Variants in IMMP2L observed in about 807,000 individuals in gnomAD.
The protein encoded by IMMP2L is inner mitochondrial membrane peptidase subunit 2.
A neutral mutation model predicts 19.3 loss-of-function variants in IMMP2L; 18 were observed. The observed-to-expected ratio is 0.93, with a 90% CI of 0.64 to 1.38. The LOEUF (loss-of-function observed/expected upper bound fraction) is 1.38. IMMP2L is among the 40% of genes most tolerant of loss of function. The probability of loss-of-function intolerance (pLI) is 0.00; values close to 1 mark genes in which losing one functional copy is unlikely to be tolerated. For missense variants in IMMP2L, 233 were observed against 218.2 expected (o/e 1.07, Z -0.43); for synonymous variants, 76 against 73.0 (o/e 1.04, Z -0.21).
At position 111,090,749 on chromosome 7, in the gene IMMP2L, C is replaced by T. The variant is rs551262979; in HGVS notation, c.240-127184G>A. Among the ~76,000 whole-genome samples the T allele has an allele frequency of 3.9e-5, 6 of 152,224 alleles. No individual in the cohort carries two copies. In the South Asian group the frequency reaches 8.3e-4, roughly 21 times the overall value. On this transcript the variant is annotated intron_variant, in intron 3 of 5. Coordinates refer to ENST00000405709, the MANE Select transcript of IMMP2L (RefSeq NM_032549.4). ...TGCAGTCATTGCTGAACTTCAGAGA[C>T]GGAGTTGGAGGTTTGAGTCTCTACC...
rs117937692 is a variant in IMMP2L at position 111,330,142 on chromosome 7, C to T, written c.239+157096G>A. On this transcript the variant is annotated intron_variant, in intron 3 of 5. Coordinates refer to ENST00000405709, the MANE Select transcript of IMMP2L (RefSeq NM_032549.4). Reference sequence around the variant, plus strand: ...AATTTTAAAAGGAAAAAATAAAACACCAATTGATTGAACACAGAAAGAAAA... The same window carrying T: ...AATTTTAAAAGGAAAAAATAAAACATCAATTGATTGAACACAGAAAGAAAA... Among the ~76,000 whole-genome samples the T allele has an allele frequency of 9.1e-3, 1,383 of 151,472 alleles. 7 individuals are homozygous for T. Among genetic ancestry groups the T allele is most frequent in the Non-Finnish European group, 0.016 (1,089 of 67,754 alleles).
chr7:110,953,938 C>T (rs537161951), intron 4 of IMMP2L, among the ~76,000 whole-genome samples: 20 of 152,098 alleles, frequency 1.3e-4, no homozygotes, highest in African/African-American at 3.9e-4. Context: ...GCTTTTTTCA[C>T]ATGTTTGTTG....
chr7:111,501,420 C>A (rs935770990), intron 2 of IMMP2L, among the ~76,000 whole-genome samples: 1 of 152,170 alleles, frequency 6.6e-6, no homozygotes, highest in Admixed American at 6.5e-5. Context: ...TCCAGGAGAA[C>A]TTCCCCAGTC....
At chr7:110,975,250 C>A (rs772939721) in intron 3 of IMMP2L, among the ~76,000 whole-genome samples, 2 of 151,930 alleles carry the variant, frequency 1.3e-5, no homozygotes, top group Non-Finnish European at 2.9e-5. Flanking sequence ...GGTAAATGAC[C>A]ATTTGAATCT....
chr7:111,080,381 A>AAT (rs1007213538), intron 3 of IMMP2L, among the ~76,000 whole-genome samples: 19 of 151,800 alleles, frequency 1.3e-4, no homozygotes, highest in Non-Finnish European at 2.2e-4. Context: ...AATTTTATCC[A>AAT]ATATATATAT....
chr7:111,016,463 T>C (rs187077253), intron 3 of IMMP2L, among the ~76,000 whole-genome samples: 4,668 of 133,986 alleles, frequency 0.035, 114 homozygotes, highest in South Asian at 0.079. Flanking sequence ...TAAATATATA[T>C]ATTTATGTAG....
chr7:111,526,021 C>T (rs1045053277), intron 1 of IMMP2L, among the ~76,000 whole-genome samples: 6 of 151,836 alleles, frequency 4.0e-5, no homozygotes, highest in African/African-American at 1.5e-4. Context: ...GGCAAGACCT[C>T]GGCATTTCAG....
intron 5 of IMMP2L, among the ~76,000 whole-genome samples, chr7:110,812,508 C>T (rs559876993): frequency 6.6e-6 from 1 of 152,012 alleles, no homozygotes; most frequent in Non-Finnish European, 1.5e-5. Context: ...AAACAAGTCT[C>T]GCTGCTATCT....
At chr7:111,102,177 T>G (rs1282674460) in intron 3 of IMMP2L, among the ~76,000 whole-genome samples, 1 of 151,574 alleles carries the variant, frequency 6.6e-6, no homozygotes, top group Non-Finnish European at 1.5e-5. Context: ...CTTACAGACA[T>G]AATTAGAACC....
rs202000496 is a variant in IMMP2L at position 110,805,532 on chromosome 7, AACC to A, written c.408+81058_408+81060del. Among the ~76,000 whole-genome samples the A allele has an allele frequency of 3.9e-3, 596 of 152,178 alleles. 18 individuals carry two copies. The highest frequency in any genetic ancestry group is 0.032 in the Admixed American group (492 of 15,260). ...AATACGTTAAATCTTCTTAAAAATA[AACC>A]ACCATTAAGTCATTTTTTAAAATAA... is the stretch of plus-strand genomic sequence containing the variant. On this transcript the variant is annotated intron_variant, in intron 5 of 5. Transcript: ENST00000405709.
chr7:111,274,739 T>G (rs1818836007), intron 3 of IMMP2L, among the ~76,000 whole-genome samples: 1 of 152,332 alleles, frequency 6.6e-6, no homozygotes, highest in East Asian at 1.9e-4. Context: ...GAACAACTGT[T>G]TTGTAATCCT....
intron 3 of IMMP2L, among the ~76,000 whole-genome samples, chr7:111,345,029 G>A (rs1033658907): frequency 2.6e-5 from 4 of 152,052 alleles, no homozygotes; most frequent in Non-Finnish European, 4.4e-5. Flanking sequence ...AACTGACAGG[G>A]CAGAGGTAGT....
chr7:111,413,445 G>A (rs1298177179), intron 3 of IMMP2L, among the ~76,000 whole-genome samples: 2 of 150,738 alleles, frequency 1.3e-5, no homozygotes, highest in African/African-American at 4.9e-5. Context: ...TAGACATAAA[G>A]AAAGATCTTT....
At position 111,547,574 on chromosome 7, in the gene IMMP2L, G is replaced by A. The variant is rs547065198; in HGVS notation, c.-3+14277C>T. 2.7e-5 allele frequency among the ~76,000 whole-genome samples: 4 copies of A among 148,848 alleles called. No individual in the cohort carries two copies. In the South Asian group the frequency reaches 6.4e-4, roughly 24 times the overall value. ...AATTTTTTATTTATTTAGGTTGGGG[G>A]AGACAGGGCCTTGTTCTGTCACCCA... On this transcript the variant is annotated intron_variant, in intron 1 of 5. Transcript: ENST00000405709.
At chr7:111,228,660 T>G (rs1813367566) in intron 3 of IMMP2L, among the ~76,000 whole-genome samples, 1 of 152,064 alleles carries the variant, frequency 6.6e-6, no homozygotes, top group African/African-American at 2.4e-5. Context: ...GAGTTTTGTA[T>G]GAAATTTCCT....
chr7:110,665,763 G>C (rs1277844958), intron 5 of IMMP2L, among the ~76,000 whole-genome samples: 1 of 152,038 alleles, frequency 6.6e-6, no homozygotes, highest in Non-Finnish European at 1.5e-5. Context: ...AGGCAATATT[G>C]ACTAGATTTC....
At chr7:111,053,959 AC>A (rs1585982207) in intron 3 of IMMP2L, among the ~76,000 whole-genome samples, 1 of 152,322 alleles carries the variant, frequency 6.6e-6, no homozygotes, top group East Asian at 1.9e-4. Flanking sequence ...TAATAAAAAA[AC>A]AATTCATTTT....
chr7:110,872,180 C>T (rs1298301417), intron 5 of IMMP2L, among the ~76,000 whole-genome samples: 4 of 152,118 alleles, frequency 2.6e-5, no homozygotes, highest in African/African-American at 9.7e-5. Context: ...AGTCTTAAAA[C>T]AGAATATATC....
chr7:111,020,692 G>A lies in IMMP2L; in HGVS notation c.240-57127C>T, dbSNP rs111959333. Among the ~76,000 whole-genome samples, 91 of 152,086 alleles carry A rather than the reference G, an allele frequency of 6.0e-4. 1 individual carries two copies. The highest frequency in any genetic ancestry group is 2.1e-3 in the African/African-American group (86 of 41,454). ...TGGGAGGATCACTTGAGCCCAGAAG[G>A]GCAAGGTTGTAGTGAGCTGAGATGG... On this transcript the variant is annotated intron_variant, in intron 3 of 5. Coordinates refer to ENST00000405709, the MANE Select transcript of IMMP2L (RefSeq NM_032549.4).
Sources: allele counts gnomAD v4.1 joint callset (sites outside exome capture counted in the v4.1 genomes callset), GRCh38; gene constraint gnomAD v4.1.1; transcripts MANE v1.5; gene names NCBI Gene and HGNC (gene_info 2026-07-23, HGNC 2026-07-21).